PSME4: variants seen among roughly 807,000 people sequenced by gnomAD.
PSME4 encodes the protein proteasome activator subunit 4.
A neutral mutation model predicts 253.9 loss-of-function variants in PSME4; 89 were observed. That is an observed-to-expected ratio of 0.35 (90% CI 0.30 to 0.42). The LOEUF is 0.42. PSME4 is among the 10% of genes least tolerant of loss of function. PSME4 has a pLI of 1.00. For missense variants in PSME4, 2,014 were observed against 2,195.2 expected (o/e 0.92, Z 1.65); for synonymous variants, 851 against 759.2 (o/e 1.12, Z -1.99).
At chr2:53,905,994 CAA>C (rs1424306785) in intron 26 of PSME4, among the ~76,000 whole-genome samples, 1 of 152,084 alleles carries the variant, frequency 6.6e-6, no homozygotes, top group Non-Finnish European at 1.5e-5. Flanking sequence ...TGTTGGTGCT[CAA>C]AAAGTTTTGG....
chr2:53,939,537 G>A (rs552226407), intron 4 of PSME4, among the ~76,000 whole-genome samples: 2 of 152,130 alleles, frequency 1.3e-5, no homozygotes, highest in South Asian at 2.1e-4. Flanking sequence ...ACCAGCCCGG[G>A]CAATACAGCA....
At chr2:53,947,660 C>G (rs367978931) in intron 3 of PSME4, among the ~76,000 whole-genome samples, 2 of 151,856 alleles carry the variant, frequency 1.3e-5, no homozygotes, top group African/African-American at 4.8e-5. Context: ...GAGCTGAGAT[C>G]GCACCACTGC....
chr2:53,904,087 T>C lies in PSME4; in HGVS notation c.3013A>G (p.Ile1005Val). The C allele has an allele frequency of 2.5e-6, 4 of 1,613,886 alleles. No homozygotes were observed. Among genetic ancestry groups the C allele is most frequent in the South Asian group, 2.2e-5 (2 of 91,068 alleles). ...CTTAAGAACTCCAAAACCAAGGGAA[T>C]GATATCTCTGCAACAGAAGTTATAT... ...GAYNFCCRDI[I>V]PLVLEFLRPD... Residue 1005 changes from isoleucine to valine, a missense_variant, in exon 27 of 47, where the codon ATT (isoleucine) becomes GTT (valine). By Grantham distance (29) the Ile-to-Val change is conservative (BLOSUM62 3). This residue lies in a region of PSME4 where 989 missense variants were observed against 1,021.1 expected (regional missense o/e 0.97). Coordinates refer to ENST00000404125, the MANE Select transcript of PSME4 (RefSeq NM_014614.3).
chr2:53,893,357 C>T (rs1679997843), intron 35 of PSME4, among the ~76,000 whole-genome samples: 1 of 152,068 alleles, frequency 6.6e-6, no homozygotes, highest in Non-Finnish European at 1.5e-5. Flanking sequence ...TGTTCAAGTC[C>T]ATGACATAAA....
intron 1 of PSME4, among the ~76,000 whole-genome samples, chr2:53,965,672 T>TA (rs546129669): frequency 6.7e-6 from 1 of 149,750 alleles, no homozygotes; most frequent in Non-Finnish European, 1.5e-5. Flanking sequence ...GTTTTTTTGT[T>TA]TTTTTTTTTT....
chr2:53,904,001 T>A, intron 27 of PSME4, 24 bp downstream of exon 27: 4 of 1,575,898 alleles, frequency 2.5e-6, no homozygotes, highest in Non-Finnish European at 3.4e-6. Flanking sequence ...ATGTTTACAG[T>A]AAAATAGGAA....
chr2:53,930,938 G>C (rs919555807), intron 10 of PSME4, among the ~76,000 whole-genome samples: 1 of 152,140 alleles, frequency 6.6e-6, no homozygotes, highest in Non-Finnish European at 1.5e-5. Flanking sequence ...ACAACAGAAA[G>C]CTTAAGTAAT....
At chr2:53,883,280 A>G (rs533145858) in intron 41 of PSME4, among the ~76,000 whole-genome samples, 1 of 152,336 alleles carries the variant, frequency 6.6e-6, no homozygotes, top group South Asian at 2.1e-4. Context: ...TTGGAAGGCT[A>G]CGGTGGGAGG....
At chr2:53,905,030 T>C (rs888637131) in intron 26 of PSME4, among the ~76,000 whole-genome samples, 1 of 146,772 alleles carries the variant, frequency 6.8e-6, no homozygotes, top group Non-Finnish European at 1.5e-5. Context: ...AATGTGTTGC[T>C]TTTACTATAA....
intron 41 of PSME4, among the ~76,000 whole-genome samples, chr2:53,882,906 A>T (rs1000967161): frequency 2.7e-5 from 4 of 145,484 alleles, no homozygotes; most frequent in African/African-American, 5.0e-5. Flanking sequence ...AATACAAAAA[A>T]AAATAAATAA....
At chr2:53,960,433 C>T (rs1670433493) in intron 1 of PSME4, among the ~76,000 whole-genome samples, 1 of 149,838 alleles carries the variant, frequency 6.7e-6, no homozygotes, top group African/African-American at 2.4e-5. Flanking sequence ...GGAGACAGCT[C>T]TAGCTAGAGG....
chr2:53,932,098 G>T lies in PSME4; in HGVS notation c.1053C>A (p.Asn351Lys). ...ACCGCTGAAGTAGTTTCATTAACTTGTTCTGGGGACACAGAAGCAAAAAGT... is the reference window on the plus strand; with the variant it reads ...ACCGCTGAAGTAGTTTCATTAACTTTTTCTGGGGACACAGAAGCAAAAAGT... ...YHPSNNGRWL[N>K]KLMKLLQRLP... is the part of the protein sequence containing the mutation. Residue 351 changes from asparagine to lysine, a missense_variant and splice_region_variant, in exon 10 of 47, where the codon AAC (asparagine) becomes AAA (lysine). By Grantham distance (94) the Asn-to-Lys change is moderately conservative (BLOSUM62 0). Transcript: ENST00000404125. 1 of 1,612,586 alleles carries T rather than the reference G, an allele frequency of 6.2e-7. No individual in the cohort carries two copies. The highest frequency in any genetic ancestry group is 8.5e-7 in the Non-Finnish European group (1 of 1,178,874).
At chr2:53,900,527 G>C (rs1310725789) in intron 28 of PSME4, among the ~76,000 whole-genome samples, 1 of 152,062 alleles carries the variant, frequency 6.6e-6, no homozygotes, top group Non-Finnish European at 1.5e-5. Context: ...GAATGAGACA[G>C]AATGAGAATG....
intron 40 of PSME4, 25 bp from the exon 41 acceptor site, chr2:53,885,800 G>A (rs1038591049): frequency 8.4e-6 from 13 of 1,539,804 alleles, no homozygotes; most frequent in Admixed American, 3.3e-5. Context: ...AAGATGCAGA[G>A]TAAGTCTTTG....
Position 53,936,833 on chromosome 2 carries a change from G to C in PSME4, c.696-6C>G, listed in dbSNP as rs1669144598. The stretch of plus-strand genomic sequence containing the variant: ...TTAATTCATCAAACCAAAGTCTAAA[G>C]AAGAAAAATGTTGTTATGAATAGCA... On this transcript the variant is annotated splice_polypyrimidine_tract_variant and splice_region_variant and intron_variant, in intron 5 of 46. Coordinates refer to ENST00000404125, the MANE Select transcript of PSME4 (RefSeq NM_014614.3). 1 of 1,579,474 alleles carries C rather than the reference G, an allele frequency of 6.3e-7. No individual in the cohort carries two copies. The highest frequency in any genetic ancestry group is 1.4e-5 in the African/African-American group (1 of 73,040).
chr2:53,965,941 G>C (rs1312421325), intron 1 of PSME4, among the ~76,000 whole-genome samples: 5 of 152,122 alleles, frequency 3.3e-5, no homozygotes, highest in African/African-American at 7.2e-5. Context: ...CAAAGTACTG[G>C]GATTACAGGC....
chr2:53,868,250 A>G (rs899023922), intron 44 of PSME4, among the ~76,000 whole-genome samples: 5 of 151,580 alleles, frequency 3.3e-5, no homozygotes, highest in Non-Finnish European at 7.4e-5. Flanking sequence ...TGAGGTCAGG[A>G]GTTCAAGACC....
At position 53,964,185 on chromosome 2, in the gene PSME4, G is replaced by A. The variant is rs560254951; in HGVS notation, c.242+6358C>T. Reference sequence around the variant, plus strand: ...CTGAGAGATCTCTGGAAAACAGTAAGGGCCTCAAATATTTTTGAAAAAAAA... The same window carrying A: ...CTGAGAGATCTCTGGAAAACAGTAAAGGCCTCAAATATTTTTGAAAAAAAA... On this transcript the variant is annotated intron_variant, in intron 1 of 46. Transcript: ENST00000404125. 2.6e-5 allele frequency among the ~76,000 whole-genome samples: 4 copies of A among 152,118 alleles called. No homozygotes were observed. The East Asian group carries it at 7.7e-4, about 29-fold the overall frequency.
rs1678519071 is a variant in PSME4, at chr2:53,865,416, G to C, written c.*162C>G. Reference sequence around the variant, plus strand: ...AGTTGGGAAATCAAATGGCAACTGAGAAGCTGTGGAATGCAGACTAACGAG... The same window carrying C: ...AGTTGGGAAATCAAATGGCAACTGACAAGCTGTGGAATGCAGACTAACGAG... On this transcript the variant is annotated 3_prime_UTR_variant, in exon 47 of 47. Coordinates refer to ENST00000404125, the MANE Select transcript of PSME4 (RefSeq NM_014614.3). 6.6e-6 allele frequency: 1 copy of C among 151,828 alleles called. No individual in the cohort carries two copies. The highest frequency in any genetic ancestry group is 2.1e-4 in the South Asian group (1 of 4,816). The allele number at this position is 151,828 out of a possible 1,614,324, so 9.4% of individuals were successfully genotyped here.
Sources: gnomAD v4.1 joint callset for allele counts (sites outside exome capture counted in the v4.1 genomes callset) on GRCh38, gnomAD v4.1.1 for gene constraint, gnomAD v4.1.1 regional missense constraint, MANE v1.5 for transcripts, NCBI Gene and HGNC (gene_info 2026-07-23, HGNC 2026-07-21) for gene names.